EP400: variants seen among roughly 807,000 people sequenced by gnomAD.
EP400 encodes E1A-binding protein p400.
EP400 carries 105 observed loss-of-function variants against 354.1 expected under a neutral mutation model. The ratio of observed to expected loss-of-function variants is 0.30; its 90% CI spans 0.25 to 0.35. The LOEUF is 0.35. EP400 is among the 10% of genes least tolerant of loss of function. The pLI, the probability that EP400 is intolerant of heterozygous loss-of-function variation, is 1.00. For synonymous variants in EP400, 1,646 were observed against 1,716.9 expected, an observed-to-expected ratio of 0.96 and a Z score of 1.02; for missense variants, 3,280 against 4,121.0, an observed-to-expected ratio of 0.80 and a Z score of 5.59.
At chr12:131,955,290 C>G (rs1450353622) in intron 1 of EP400, among the ~76,000 whole-genome samples, 1 of 151,326 alleles carries the variant, frequency 6.6e-6, no homozygotes, top group Non-Finnish European at 1.5e-5. Context: ...AAAGTTTATG[C>G]TTTTTTTTTG....
chr12:131,999,024 C>T (rs1315038638), intron 12 of EP400, among the ~76,000 whole-genome samples: 7 of 151,486 alleles, frequency 4.6e-5, no homozygotes, highest in Admixed American at 3.3e-4. Context: ...GTAGGACTTT[C>T]AGTAAAGTGT....
At chr12:132,066,129 T>A (rs1390032613) in intron 48 of EP400, 1 of 152,222 alleles carries the variant, frequency 6.6e-6, no homozygotes, top group Non-Finnish European at 1.5e-5. Flanking sequence ...AGAAACAGAT[T>A]TCAAAATATT....
intron 21 of EP400, among the ~76,000 whole-genome samples, chr12:132,019,739 T>C (rs760989262): frequency 2.0e-5 from 3 of 152,220 alleles, no homozygotes; most frequent in Non-Finnish European, 4.4e-5. Context: ...AGATGCGTTG[T>C]TTTCTATCTA....
chr12:131,987,224 A>G (rs1198144055), intron 6 of EP400, among the ~76,000 whole-genome samples: 3 of 152,150 alleles, frequency 2.0e-5, no homozygotes, highest in Non-Finnish European at 4.4e-5. Context: ...ATTTTGTTCA[A>G]CTTCATTAGG....
Position 132,038,106 on chromosome 12 carries a change from C to T in EP400, c.6207+10C>T, listed in dbSNP as rs753053178. 5 of 1,609,160 alleles carry T rather than the reference C, an allele frequency of 3.1e-6. No individual in the cohort carries two copies. The highest frequency in any genetic ancestry group is 1.4e-5 in the African/African-American group (1 of 70,672). ...AAGACCTTTCATAGAGGTAAGAATA[C>T]ATTGAATCTGGCTGAAGAGTTGCAC... On this transcript the variant is annotated intron_variant, in intron 32 of 52. Coordinates refer to ENST00000389561, the MANE Select transcript of EP400 (RefSeq NM_015409.5). This position sits in a 1 kb window ranked among gnomAD's most constrained non-coding sequence, Gnocchi z 4.2.
intron 52 of EP400, 56 bp from the exon 53 acceptor site, chr12:132,077,345 C>T: frequency 6.4e-7 from 1 of 1,553,736 alleles, no homozygotes; most frequent in Non-Finnish European, 8.7e-7. Flanking sequence ...GTCCATTTTC[C>T]TGTCCCTGGA....
chr12:132,032,318 T>G (rs765073174), intron 30 of EP400, among the ~76,000 whole-genome samples, 169 bp downstream of exon 30: 4 of 152,254 alleles, frequency 2.6e-5, no homozygotes, highest in Non-Finnish European at 4.4e-5. Flanking sequence ...AGACAATGCA[T>G]GATATCTAAT....
intron 51 of EP400, 24 bp downstream of exon 51, chr12:132,069,665 C>T (rs1896011347): frequency 1.9e-6 from 3 of 1,612,070 alleles, no homozygotes; most frequent in Non-Finnish European, 2.5e-6. Flanking sequence ...AGGGTGAGGG[C>T]CCGAGTGTCA....
intron 32 of EP400, among the ~76,000 whole-genome samples, chr12:132,041,456 C>CT (rs749806456): frequency 2.0e-5 from 3 of 152,258 alleles, no homozygotes; most frequent in African/African-American, 7.2e-5. Flanking sequence ...TGCTTCTGCA[C>CT]TTTCCATACG....
In EP400 at chr12:132,006,274, C is replaced by T; in HGVS notation, c.3098C>T (p.Pro1033Leu). The T allele has an allele frequency of 1.2e-6, 2 of 1,614,158 alleles. No homozygotes were observed. The highest frequency in any genetic ancestry group is 1.7e-6 in the Non-Finnish European group (2 of 1,180,012). Residue 1033 changes from proline (P) to leucine (L), a missense_variant, in exon 14 of 53, where the codon CCG becomes CTG. Pro to Leu is a moderately conservative substitution (Grantham distance 98). Coordinates refer to ENST00000389561, the MANE Select transcript of EP400 (RefSeq NM_015409.5). ...DVTAVAEAIL[P>L]KGSARVTTSV... ...ACTGCGGTGGCTGAAGCCATCCTGC[C>T]GAAGGGCAGTGCTCGGGTCACAACC...
At position 132,062,314 on chromosome 12, in the gene EP400, G is replaced by C. The variant is rs749644501; in HGVS notation, c.8089G>C (p.Val2697Leu). The C allele has an allele frequency of 6.2e-7, 1 of 1,614,162 alleles. No homozygotes were observed. Among genetic ancestry groups the C allele is most frequent in the Admixed American group, 1.7e-5 (1 of 60,032 alleles). Residue 2697 changes from valine to leucine, a missense_variant, in exon 46 of 53, where the codon GTG (valine) becomes CTG (leucine). Physicochemically the swap from Val to Leu is conservative, Grantham distance 32. Around this residue, in one of 20 missense-constraint regions of EP400, gnomAD observed 255 missense variants for 295.9 expected, o/e 0.86. Coordinates refer to ENST00000389561, the MANE Select transcript of EP400 (RefSeq NM_015409.5). Reference sequence around the variant, plus strand: ...CCCGGCACGGTCTTTGGTGCCCCAAGTGTCCCAAGGTAAAGCCAGGCTGGG... The same window carrying C: ...CCCGGCACGGTCTTTGGTGCCCCAACTGTCCCAAGGTAAAGCCAGGCTGGG... ...QTPARSLVPQ[V>L]SQATGVQLPG...
intron 12 of EP400, among the ~76,000 whole-genome samples, chr12:132,004,800 C>T (rs1315280150): frequency 6.6e-6 from 1 of 152,148 alleles, no homozygotes; most frequent in African/African-American, 2.4e-5. Context: ...GTTGCACCTA[C>T]TAAGTAATTT....
chr12:131,971,119 G>A (rs1464550537), intron 2 of EP400, among the ~76,000 whole-genome samples: 4 of 152,124 alleles, frequency 2.6e-5, no homozygotes, highest in African/African-American at 7.2e-5. Context: ...CGGGAAGATC[G>A]CTTGAGCCCA....
chr12:132,055,662 GTA>G (rs199521175), intron 45 of EP400, among the ~76,000 whole-genome samples: 2 of 137,698 alleles, frequency 1.5e-5, no homozygotes, highest in African/African-American at 5.6e-5. Context: ...AGGTGTAGGG[GTA>G]TGTGTGTGAG....
chr12:131,963,742 T>C (rs191557682), intron 2 of EP400: 1 of 859,178 alleles, frequency 1.2e-6, no homozygotes, highest in East Asian at 2.7e-5. Context: ...GCATTTTTTT[T>C]CCAGAGCCCA....
intron 12 of EP400, among the ~76,000 whole-genome samples, chr12:132,001,102 C>T (rs1031765716): frequency 1.6e-4 from 24 of 151,708 alleles, no homozygotes; most frequent in Admixed American, 2.0e-4. Context: ...TGTGTGGAGA[C>T]GAGAGATTGT....
chr12:131,999,132 T>G (rs1414506436), intron 12 of EP400, among the ~76,000 whole-genome samples: 1 of 151,946 alleles, frequency 6.6e-6, no homozygotes, highest in South Asian at 2.1e-4. Context: ...GAGTCATAAC[T>G]GCATGGTTCA....
intron 30 of EP400, among the ~76,000 whole-genome samples, chr12:132,034,511 G>A (rs1239925114): frequency 1.3e-5 from 2 of 152,250 alleles, no homozygotes; most frequent in Admixed American, 6.5e-5. Context: ...TGCTTGCAGT[G>A]TGGACGTCCT....
At chr12:131,966,425 T>C (rs977921221) in intron 2 of EP400, among the ~76,000 whole-genome samples, 1 of 151,382 alleles carries the variant, frequency 6.6e-6, no homozygotes, top group Non-Finnish European at 1.5e-5. Context: ...AAAAATCAGC[T>C]GGGCATGGTG....
Sources: gnomAD v4.1 joint callset for allele counts (sites outside exome capture counted in the v4.1 genomes callset) on GRCh38, gnomAD v4.1.1 for gene constraint, gnomAD v4.1.1 regional missense constraint, Gnocchi (gnomAD v3.1) non-coding constraint, MANE v1.5 for transcripts, NCBI Gene and HGNC (gene_info 2026-07-23, HGNC 2026-07-21) for gene names.